UTRN: variants seen among roughly 807,000 people sequenced by gnomAD.
UTRN encodes the protein dystrophin-related protein 1.
Under a neutral mutation model 463.9 loss-of-function variants are expected in UTRN, and 283 were observed. The observed-to-expected ratio is 0.61, with a 90% CI of 0.55 to 0.67. The LOEUF (loss-of-function observed/expected upper bound fraction) is 0.67, where lower values mean the gene tolerates loss of function less well. UTRN is among the 30% of genes least tolerant of loss of function. The pLI, the probability that UTRN is intolerant of heterozygous loss-of-function variation, is 0.00. For missense variants in UTRN, 3,922 were observed against 4,084.3 expected (o/e 0.96, Z 1.08); for synonymous variants, 1,442 against 1,431.5 (o/e 1.01, Z -0.17).
chr6:144,418,600 G>A (rs1338623844), intron 3 of UTRN, among the ~76,000 whole-genome samples: 1 of 151,282 alleles, frequency 6.6e-6, no homozygotes, highest in East Asian at 1.9e-4. Flanking sequence ...GAGTCTTGCT[G>A]TGTTGCCTAG....
At chr6:144,411,920 T>C (rs1245773790) in intron 3 of UTRN, among the ~76,000 whole-genome samples, 3 of 152,126 alleles carry the variant, frequency 2.0e-5, no homozygotes, top group Non-Finnish European at 4.4e-5. Context: ...CAGTCACTAA[T>C]TGTTTAAGTG....
chr6:144,786,698 A>T (rs1183570830), intron 61 of UTRN, among the ~76,000 whole-genome samples: 2 of 152,168 alleles, frequency 1.3e-5, no homozygotes, highest in East Asian at 3.9e-4. Context: ...CATACCTTCT[A>T]TGTCTGATTT....
chr6:144,579,970 T>G (rs1024866492), intron 51 of UTRN, among the ~76,000 whole-genome samples: 3 of 152,212 alleles, frequency 2.0e-5, no homozygotes, highest in African/African-American at 7.2e-5. Flanking sequence ...TTAAAAAAGT[T>G]CCATGGTTTT....
chr6:144,602,381 C>T (rs1163553469), intron 51 of UTRN, among the ~76,000 whole-genome samples: 1 of 151,952 alleles, frequency 6.6e-6, no homozygotes, highest in Non-Finnish European at 1.5e-5. Flanking sequence ...TCATGTGATC[C>T]ACCCGCCTTG....
rs79803945 is a variant in UTRN at position 144,500,698 on chromosome 6, G to A, written c.4764+1271G>A. Among the ~76,000 whole-genome samples the A allele has an allele frequency of 2.4e-3, 372 of 152,266 alleles. 13 individuals are homozygous for A. In the East Asian group the frequency reaches 0.058, roughly 24 times the overall value. On this transcript the variant is annotated intron_variant, in intron 34 of 74. Transcript: ENST00000367545. ...ATCTTTCTATTGCAAACTTTCAGATGTAAAGAACTTAGGAATAGAATTTTA... is the reference window on the plus strand; with the variant it reads ...ATCTTTCTATTGCAAACTTTCAGATATAAAGAACTTAGGAATAGAATTTTA...
chr6:144,678,910 T>A (rs1781928658), intron 52 of UTRN, among the ~76,000 whole-genome samples: 1 of 152,164 alleles, frequency 6.6e-6, no homozygotes. Flanking sequence ...AATGTTACTT[T>A]ATTTCGTAAT....
At chr6:144,327,386 C>A (rs1776039742) in intron 2 of UTRN, among the ~76,000 whole-genome samples, 2 of 152,174 alleles carry the variant, frequency 1.3e-5, no homozygotes, top group Middle Eastern at 3.2e-3. Flanking sequence ...GAGAAGCCCA[C>A]ATAACGCAAC....
At chr6:144,700,295 A>G (rs1237554082) in intron 53 of UTRN, 52 bp downstream of exon 53, 2 of 1,513,358 alleles carry the variant, frequency 1.3e-6, no homozygotes, top group East Asian at 2.3e-5. Flanking sequence ...AGTGAGGTAG[A>G]TATTTGAAAT....
intron 2 of UTRN, among the ~76,000 whole-genome samples, chr6:144,300,020 T>C (rs1039807170): frequency 6.6e-6 from 1 of 151,962 alleles, no homozygotes; most frequent in Non-Finnish European, 1.5e-5. Context: ...AATTAAAGAG[T>C]TAAGTGACAT....
At chr6:144,650,308 AT>A (rs1433550019) in intron 51 of UTRN, among the ~76,000 whole-genome samples, 1 of 152,194 alleles carries the variant, frequency 6.6e-6, no homozygotes, top group African/African-American at 2.4e-5. Flanking sequence ...CAGCCAAACC[AT>A]ATCAGGAGGT....
At chr6:144,838,742 T>C (rs1417524370) in intron 71 of UTRN, among the ~76,000 whole-genome samples, 2 of 152,216 alleles carry the variant, frequency 1.3e-5, no homozygotes, top group Non-Finnish European at 2.9e-5. Flanking sequence ...GAGTGGGAAT[T>C]AGAATCCAGG....
chr6:144,566,321 A>G (rs577704838), intron 50 of UTRN, among the ~76,000 whole-genome samples: 9 of 152,100 alleles, frequency 5.9e-5, no homozygotes, highest in Non-Finnish European at 8.8e-5. Flanking sequence ...CCTAGGGTAA[A>G]TATATGGTAT....
rs375526371 is a variant in UTRN at position 144,501,854 on chromosome 6, G to A, written c.4764+2427G>A. On this transcript the variant is annotated intron_variant, in intron 34 of 74. Coordinates refer to ENST00000367545, the MANE Select transcript of UTRN (RefSeq NM_007124.3). ...TTCAGAAATAGTGCACCTACCACAT[G>A]CGAATGAGAATTTCTACTTGACATC... is the stretch of plus-strand genomic sequence containing the variant. Among the ~76,000 whole-genome samples, 15 of 152,192 alleles carry A rather than the reference G, an allele frequency of 9.9e-5. 1 individual carries two copies. The South Asian group carries it at 2.5e-3, about 25-fold the overall frequency.
At chr6:144,619,019 C>G (rs1343270764) in intron 51 of UTRN, among the ~76,000 whole-genome samples, 1 of 152,056 alleles carries the variant, frequency 6.6e-6, no homozygotes, top group African/African-American at 2.4e-5. Flanking sequence ...GCTATTTGAT[C>G]TTTTAAATAG....
chr6:144,817,867 TA>T (rs1407687891), intron 65 of UTRN, among the ~76,000 whole-genome samples: 1 of 152,210 alleles, frequency 6.6e-6, no homozygotes, highest in Admixed American at 6.5e-5. Flanking sequence ...GTGTGTGTAC[TA>T]ACTTTTAAAA....
In UTRN at chr6:144,821,129, G is replaced by A; in HGVS notation, c.9494+111G>A. 1.7e-5 allele frequency: 22 copies of A among 1,291,306 alleles called. No homozygotes were observed. In the East Asian group the frequency reaches 2.2e-4, roughly 13 times the overall value. 80.0% of individuals were successfully genotyped at this position (1,291,306 alleles called of 1,614,324 possible). ...TTAATACCAACTGCATTTTAGAGGAGGTAAATTAAACTTGGAATCAGTCTT... is the reference window on the plus strand; with the variant it reads ...TTAATACCAACTGCATTTTAGAGGAAGTAAATTAAACTTGGAATCAGTCTT... On this transcript the variant is annotated intron_variant, in intron 66 of 74. Transcript: ENST00000367545.
At chr6:144,341,790 C>T (rs948465399) in intron 2 of UTRN, among the ~76,000 whole-genome samples, 1 of 152,092 alleles carries the variant, frequency 6.6e-6, no homozygotes, top group Non-Finnish European at 1.5e-5. Flanking sequence ...TCAGAAGAAC[C>T]CTTTGGTAGA....
intron 53 of UTRN, among the ~76,000 whole-genome samples, chr6:144,713,890 A>G (rs1399385203): frequency 6.6e-6 from 1 of 150,646 alleles, no homozygotes; most frequent in Non-Finnish European, 1.5e-5. Flanking sequence ...ATTGCACTCC[A>G]GCCTGGGAAA....
chr6:144,548,833 T>C lies in UTRN; in HGVS notation c.6789T>C (p.Asn2263=). 1 of 1,613,962 alleles carries C rather than the reference T, an allele frequency of 6.2e-7. No homozygotes were observed. Among genetic ancestry groups the C allele is most frequent in the Non-Finnish European group, 8.5e-7 (1 of 1,179,912 alleles). ...CTGTTGGGGATGTAGAAGAGATCAA[T>C]AAGACCGTTTCCCGAATGAAAGTAG... ...IVTVGDVEEI[N]KTVSRMKITK... Residue 2263 remains asparagine (N), a synonymous_variant, in exon 47 of 75, where the codon AAT becomes AAC. Coordinates refer to ENST00000367545, the MANE Select transcript of UTRN (RefSeq NM_007124.3).
Sources: allele counts gnomAD v4.1 joint callset (sites outside exome capture counted in the v4.1 genomes callset), GRCh38; gene constraint gnomAD v4.1.1; transcripts MANE v1.5; gene names NCBI Gene and HGNC (gene_info 2026-07-23, HGNC 2026-07-21).